ARFGAP1: variants seen among roughly 807,000 people sequenced by gnomAD.
ARFGAP1 encodes the protein ADP-ribosylation factor GTPase-activating protein 1.
In ARFGAP1, 26 loss-of-function variants were observed where a neutral mutation model predicts 54.0. That is an observed-to-expected ratio of 0.48 (90% CI 0.35 to 0.67). The LOEUF (loss-of-function observed/expected upper bound fraction) is 0.67, where lower values mean the gene tolerates loss of function less well. Among genes scored for constraint, ARFGAP1 ranks in the 30% least tolerant of loss-of-function variants. ARFGAP1 has a pLI of 0.00. For synonymous variants in ARFGAP1, 248 were observed against 211.9 expected (o/e 1.17, Z -1.48); for missense variants, 525 against 535.8 (o/e 0.98, Z 0.20).
chr20:63,288,813 G>C lies in ARFGAP1; in HGVS notation c.*940G>C, dbSNP rs1022790915. On this transcript the variant is annotated 3_prime_UTR_variant, in exon 13 of 13. Coordinates refer to ENST00000370283, the MANE Select transcript of ARFGAP1 (RefSeq NM_018209.4). ...CGAGGACTGGATGATGTGCTGCCAC[G>C]TGTGACTCGTCTCCCTTGTCTGCCC... The C allele has an allele frequency of 2.1e-5, 7 of 330,978 alleles. No individual in the cohort carries two copies. Among genetic ancestry groups the C allele is most frequent in the Admixed American group, 3.9e-5 (1 of 25,476 alleles). 20.5% of individuals were successfully genotyped at this position (330,978 alleles called of 1,614,324 possible). A position where few individuals can be genotyped will look rare whatever the true frequency, so the allele number is the denominator to read the frequency against.
chr20:63,282,925 A>G, intron 9 of ARFGAP1, 74 bp downstream of exon 9: 2 of 1,516,082 alleles, frequency 1.3e-6, no homozygotes, highest in Non-Finnish European at 1.8e-6. Context: ...GCAGCACCTG[A>G]AGCTGCCTGG....
At chr20:63,280,973 A>G (rs2067365007) in intron 7 of ARFGAP1, among the ~76,000 whole-genome samples, 2 of 152,058 alleles carry the variant, frequency 1.3e-5, no homozygotes, top group Admixed American at 6.5e-5. Flanking sequence ...GGCAGGAGGG[A>G]GCGCCGGCCA....
intron 9 of ARFGAP1, chr20:63,284,315 C>A: frequency 9.2e-7 from 1 of 1,089,030 alleles, no homozygotes; most frequent in East Asian, 6.7e-5. Flanking sequence ...TTGATCCGTG[C>A]TGCTCCCTGC....
At position 63,287,802 on chromosome 20, in the gene ARFGAP1, G is replaced by C. The variant is rs1008965738; in HGVS notation, c.1150G>C (p.Gly384Arg). ...RNSNSDGGEGGEGTKKAVPPA... is the reference protein window; with the variant it reads ...RNSNSDGGEGREGTKKAVPPA... ...CAGCAACAGCGACGGCGGGGAGGGCGGGGAGGGCACCAAGAAGGCAGTGCC... is the reference window on the plus strand; with the variant it reads ...CAGCAACAGCGACGGCGGGGAGGGCCGGGAGGGCACCAAGAAGGCAGTGCC... Residue 384 changes from glycine (G) to arginine (R), a missense_variant, in exon 13 of 13, where the codon GGG becomes CGG. Gly to Arg is a moderately radical substitution (Grantham distance 125, BLOSUM62 -2). Around this residue, in one of 3 missense-constraint regions of ARFGAP1, gnomAD observed 466 missense variants for 453.6 expected, o/e 1.03. Transcript: ENST00000370283. The C allele has an allele frequency of 1.9e-6, 3 of 1,597,668 alleles. No individual in the cohort carries two copies. The highest frequency in any genetic ancestry group is 2.6e-6 in the Non-Finnish European group (3 of 1,173,158).
chr20:63,285,862 C>A, intron 11 of ARFGAP1, 149 bp downstream of exon 11: 2 of 1,433,578 alleles, frequency 1.4e-6, no homozygotes, highest in Non-Finnish European at 1.9e-6. Flanking sequence ...AGCTGCCCAG[C>A]CTGACAGCCC....
rs755999600 is a variant in ARFGAP1, at chr20:63,278,211, C to T, written c.530+8C>T. On this transcript the variant is annotated splice_region_variant and intron_variant, in intron 6 of 12. Coordinates refer to ENST00000370283, the MANE Select transcript of ARFGAP1 (RefSeq NM_018209.4). ...CCTCGGCTCCTATCAAGGGTAAGGA[C>T]TTGAGAGCTGGGGACGCCTGGCGTG... 15 of 1,612,690 alleles carry T rather than the reference C, an allele frequency of 9.3e-6. No individual in the cohort carries two copies. In the East Asian group the frequency reaches 1.1e-4, roughly 12 times the overall value.
chr20:63,277,338 T>C, intron 5 of ARFGAP1, 33 bp downstream of exon 5: 1 of 1,573,786 alleles, frequency 6.4e-7, no homozygotes. Context: ...TAGTACAGTT[T>C]CCACTGGGTC....
chr20:63,280,267 T>G (rs1386969977), intron 7 of ARFGAP1, among the ~76,000 whole-genome samples: 4 of 152,174 alleles, frequency 2.6e-5, no homozygotes, highest in Non-Finnish European at 4.4e-5. Context: ...GCTTATTTTG[T>G]TTTTTGTTTT....
chr20:63,278,284 G>A, intron 6 of ARFGAP1, 81 bp downstream of exon 6: 1 of 1,463,218 alleles, frequency 6.8e-7, no homozygotes, highest in Non-Finnish European at 9.5e-7. Flanking sequence ...GCTTCCCTTG[G>A]GGCCTCCCAT....
intron 6 of ARFGAP1, 95 bp from the exon 7 acceptor site, chr20:63,278,804 A>C (rs2067302105): frequency 2.5e-6 from 3 of 1,214,804 alleles, no homozygotes; most frequent in East Asian, 4.8e-5. Context: ...CACGTCCCCC[A>C]GAGCCCCAGC....
rs758957163 is a variant in ARFGAP1, at chr20:63,276,584, A to G, written c.275A>G (p.Asp92Gly). 3.1e-6 allele frequency: 5 copies of G among 1,613,838 alleles called. No homozygotes were observed. The African/African-American group carries it at 6.7e-5, about 22-fold the overall frequency. The change falls in exon 4 of 13, where the codon GAT (aspartate) becomes GGT (glycine). Residue 92 changes from aspartate to glycine, a missense_variant. Asp to Gly is a moderately conservative substitution (Grantham distance 94, BLOSUM62 -1). Around this residue, in one of 3 missense-constraint regions of ARFGAP1, gnomAD observed 466 missense variants for 453.6 expected, o/e 1.03. Transcript: ENST00000370283. This position sits in a 1 kb window ranked among gnomAD's most constrained non-coding sequence, Gnocchi z 5.2. Reference protein sequence around the residue: ...KFREFLESQEDYDPCWSLQEK... With the variant: ...KFREFLESQEGYDPCWSLQEK... The stretch of plus-strand genomic sequence containing the variant: ...CGAGAGTTCCTGGAGTCTCAGGAGG[A>G]TTACGATCCTTGCTGGTCCTTGCAG...
At chr20:63,284,565 G>A in intron 9 of ARFGAP1, 6 of 1,278,662 alleles carry the variant, frequency 4.7e-6, no homozygotes, top group Non-Finnish European at 6.0e-6. Context: ...GGCTCCACAG[G>A]GCCTGTTCCC....
intron 10 of ARFGAP1, 194 bp from the exon 11 acceptor site, chr20:63,285,460 G>A: frequency 3.2e-6 from 2 of 633,118 alleles, no homozygotes; most frequent in South Asian, 3.8e-5. Context: ...CAGACACCAG[G>A]CCTCACAGTG....
chr20:63,278,009 G>T, intron 5 of ARFGAP1, 108 bp from the exon 6 acceptor site: 1 of 965,202 alleles, frequency 1.0e-6, no homozygotes. Context: ...TCTCAGGGGT[G>T]ACGTGAAGGC....
rs986947110 is a variant in ARFGAP1, at chr20:63,289,061, A to G, written c.*1188A>G. On this transcript the variant is annotated 3_prime_UTR_variant, in exon 13 of 13. Transcript: ENST00000370283. Reference sequence around the variant, plus strand: ...GGGACTCAGCCACTTGCAGAACAGGATGGGACCGAGATTTCAGCGAGCCCT... The same window carrying G: ...GGGACTCAGCCACTTGCAGAACAGGGTGGGACCGAGATTTCAGCGAGCCCT... The G allele has an allele frequency of 6.3e-6, 1 of 159,436 alleles. No individual in the cohort carries two copies. The highest frequency in any genetic ancestry group is 2.4e-5 in the African/African-American group (1 of 41,698). 9.9% of individuals were successfully genotyped at this position (159,436 alleles called of 1,614,324 possible). A position where few individuals can be genotyped will look rare whatever the true frequency, so the allele number is the denominator to read the frequency against.
Position 63,276,581 on chromosome 20 carries a change from A to T in ARFGAP1, c.272A>T (p.Glu91Val). The part of the protein sequence containing the change: ...AKFREFLESQ[E>V]DYDPCWSLQE... ...TTCCGAGAGTTCCTGGAGTCTCAGG[A>T]GGATTACGATCCTTGCTGGTCCTTG... Residue 91 changes from glutamate to valine, a missense_variant, in exon 4 of 13, where the codon GAG (glutamate) becomes GTG (valine). Around this residue, in one of 3 missense-constraint regions of ARFGAP1, gnomAD observed 466 missense variants for 453.6 expected, o/e 1.03. Transcript: ENST00000370283. The surrounding 1 kb of genome is among the most constrained non-coding windows in gnomAD (Gnocchi z 5.2). 1 of 1,613,982 alleles carries T rather than the reference A, an allele frequency of 6.2e-7. No homozygotes were observed. Among genetic ancestry groups the T allele is most frequent in the Admixed American group, 1.7e-5 (1 of 60,026 alleles).
intron 1 of ARFGAP1, 59 bp from the exon 2 acceptor site, chr20:63,275,518 T>A: frequency 6.5e-7 from 1 of 1,531,766 alleles, no homozygotes; most frequent in Non-Finnish European, 9.0e-7. Flanking sequence ...AGACGTTATT[T>A]TCTTTTTTGT....
chr20:63,275,466 C>T (rs2067212205), intron 1 of ARFGAP1, 111 bp from the exon 2 acceptor site: 1 of 1,042,322 alleles, frequency 9.6e-7, no homozygotes, highest in Non-Finnish European at 1.4e-6. Flanking sequence ...AGCAGCTCAA[C>T]AGATTGCCCC....
chr20:63,273,766 G>A (rs1047620276), intron 1 of ARFGAP1, among the ~76,000 whole-genome samples: 2 of 152,200 alleles, frequency 1.3e-5, no homozygotes, highest in Non-Finnish European at 1.5e-5. Flanking sequence ...GAGGGCAGAC[G>A]TGGTGCTATG....
Sources: allele counts gnomAD v4.1 joint callset (sites outside exome capture counted in the v4.1 genomes callset), GRCh38; gene constraint gnomAD v4.1.1; regional missense constraint gnomAD v4.1.1; non-coding constraint Gnocchi (gnomAD v3.1); transcripts MANE v1.5; gene names NCBI Gene and HGNC (gene_info 2026-07-23, HGNC 2026-07-21).